The following BRD10 variants were observed in gnomAD, a reference collection of about 807,000 sequenced individuals.
BRD10 encodes the protein uncharacterized bromodomain-containing protein 10.
the BRD10 span, among the ~76,000 whole-genome samples, chr9:5,889,205 A>G: frequency 9.9e-3 from 1,502 of 152,332 alleles, 28 homozygotes; most frequent in African/African-American, 0.035. Context: ...GACAGCACCT[A>G]ACCACATGTC....
At chr9:5,992,511 A>G in the BRD10 span, among the ~76,000 whole-genome samples, 1 of 116,702 alleles carries the variant, frequency 8.6e-6, no homozygotes, top group African/African-American at 2.8e-5. Context: ...AAATAAATAC[A>G]CTAAAATAGC....
the BRD10 span, among the ~76,000 whole-genome samples, chr9:5,997,500 C>G: frequency 6.6e-6 from 1 of 151,472 alleles, no homozygotes; most frequent in African/African-American, 2.4e-5. Context: ...TCTAAAGTCA[C>G]AGTAATAAAG....
chr9:5,981,975 C>T, the BRD10 span, among the ~76,000 whole-genome samples: 2 of 152,058 alleles, frequency 1.3e-5, no homozygotes. Flanking sequence ...GAAATCACCA[C>T]TAAAGAACTT....
At chr9:5,894,102 C>G in the BRD10 span, among the ~76,000 whole-genome samples, 34,627 of 151,884 alleles carry the variant, frequency 0.23, 4,505 homozygotes, top group East Asian at 0.47. This position sits in a 1 kb window ranked among gnomAD's most constrained non-coding sequence, Gnocchi z 4.0. Context: ...TTTGCACAAT[C>G]CCATCCGACG....
chr9:5,968,721 C>T, the BRD10 span: 8 of 1,613,662 alleles, frequency 5.0e-6, no homozygotes, highest in African/African-American at 6.7e-5. Flanking sequence ...ATCCGAGGTA[C>T]TCTTTGTATT....
chr9:5,906,794 C>G, the BRD10 span: 1 of 755,202 alleles, frequency 1.3e-6, no homozygotes. Context: ...TAGATTAAAA[C>G]TCATTCTTAA....
chr9:5,975,770 GAGA>G, the BRD10 span, among the ~76,000 whole-genome samples: 6 of 152,110 alleles, frequency 3.9e-5, no homozygotes, highest in Non-Finnish European at 2.9e-5. Flanking sequence ...TCTAAAATGT[GAGA>G]AGAACTGGGA....
the BRD10 span, chr9:5,923,016 C>T: frequency 6.2e-7 from 1 of 1,613,962 alleles, no homozygotes; most frequent in Non-Finnish European, 8.5e-7. Flanking sequence ...GACACTGGTA[C>T]TGAATCCAAT....
chr9:5,924,926 C>A, the BRD10 span: 1 of 1,001,432 alleles, frequency 1.0e-6, no homozygotes. Flanking sequence ...ACATTTTAAA[C>A]TACATATGGA....
chr9:5,992,210 A>G, the BRD10 span, among the ~76,000 whole-genome samples: 2 of 152,204 alleles, frequency 1.3e-5, no homozygotes, highest in African/African-American at 4.8e-5. Flanking sequence ...AAGCTCCAGG[A>G]GGATAGGAAC....
chr9:5,996,218 A>C, the BRD10 span, among the ~76,000 whole-genome samples: 9 of 152,358 alleles, frequency 5.9e-5, 1 homozygote, highest in South Asian at 1.2e-3. Context: ...GAATACAAAC[A>C]AAACCTTCCA....
At chr9:6,000,515 T>G in the BRD10 span, among the ~76,000 whole-genome samples, 1 of 152,162 alleles carries the variant, frequency 6.6e-6, no homozygotes, top group Admixed American at 6.5e-5. Context: ...TCTAGTGTTC[T>G]TCTGGGAAAT....
At chr9:5,879,620 T>G in the BRD10 span, among the ~76,000 whole-genome samples, 1 of 152,116 alleles carries the variant, frequency 6.6e-6, no homozygotes, top group African/African-American at 2.4e-5. Flanking sequence ...CTCTTTAAGA[T>G]ATGCTTGGGC....
the BRD10 span, among the ~76,000 whole-genome samples, chr9:5,978,040 C>T: frequency 6.6e-6 from 1 of 152,090 alleles, no homozygotes; most frequent in South Asian, 2.1e-4. Flanking sequence ...AGGATATTTG[C>T]AAAAATAACA....
the BRD10 span, chr9:5,988,592 G>C: frequency 7.1e-7 from 1 of 1,402,596 alleles, no homozygotes; most frequent in Non-Finnish European, 1.0e-6. Flanking sequence ...TTCTGGATAA[G>C]CAATAAACCC....
the BRD10 span, chr9:5,969,546 A>AT: frequency 1.4e-6 from 1 of 698,170 alleles, no homozygotes; most frequent in Non-Finnish European, 2.3e-6. Flanking sequence ...TCCTAGTTTT[A>AT]TTTATTTATT....
the BRD10 span, among the ~76,000 whole-genome samples, chr9:5,958,732 C>T: frequency 6.6e-6 from 1 of 152,204 alleles, no homozygotes; most frequent in Non-Finnish European, 1.5e-5. Context: ...ACTCCTCCCT[C>T]TGTACTTTCG....
the BRD10 span, among the ~76,000 whole-genome samples, chr9:5,967,156 T>G: frequency 2.6e-5 from 4 of 152,190 alleles, no homozygotes; most frequent in African/African-American, 9.6e-5. Context: ...CAAACAATGA[T>G]GATGAAGAGC....
the BRD10 span, chr9:5,920,860 A>T: frequency 1.9e-6 from 3 of 1,614,012 alleles, no homozygotes; most frequent in Non-Finnish European, 2.5e-6. Context: ...CTGTTTTCAC[A>T]GTTGATATAG....
Sources: allele counts gnomAD v4.1 joint callset (sites outside exome capture counted in the v4.1 genomes callset), GRCh38; gene constraint gnomAD v4.1.1; non-coding constraint Gnocchi (gnomAD v3.1); transcripts MANE v1.5; gene names NCBI Gene and HGNC (gene_info 2026-07-23, HGNC 2026-07-21).